The following PTPN4 variants were observed in gnomAD, a reference collection of about 807,000 sequenced individuals.
The protein encoded by PTPN4 is tyrosine-protein phosphatase non-receptor type 4.
In PTPN4, 49 loss-of-function variants were observed where a neutral mutation model predicts 135.5. The observed-to-expected ratio is 0.36, with a 90% CI of 0.29 to 0.46. PTPN4 has a LOEUF of 0.46. PTPN4 is among the 20% of genes least tolerant of loss of function. The probability of loss-of-function intolerance (pLI) is 1.00; values close to 1 mark genes in which losing one functional copy is unlikely to be tolerated. For missense variants in PTPN4, 860 were observed against 1,101.0 expected (o/e 0.78, Z 3.10); for synonymous variants, 333 against 369.9 (o/e 0.90, Z 1.14).
At chr2:119,961,799 A>T (rs1679369757) in intron 23 of PTPN4, among the ~76,000 whole-genome samples, 1 of 152,244 alleles carries the variant, frequency 6.6e-6, no homozygotes, top group Non-Finnish European at 1.5e-5. Context: ...CACATAGTGT[A>T]TGATTGCATT....
intron 10 of PTPN4, among the ~76,000 whole-genome samples, chr2:119,903,333 C>T (rs964170381): frequency 6.6e-6 from 1 of 152,020 alleles, no homozygotes; most frequent in Non-Finnish European, 1.5e-5. Context: ...TTTATATGCC[C>T]TGTCCACCGT....
intron 2 of PTPN4, among the ~76,000 whole-genome samples, chr2:119,846,664 T>C (rs1677503263): frequency 6.6e-6 from 1 of 152,050 alleles, no homozygotes; most frequent in Non-Finnish European, 1.5e-5. Context: ...TACTTTTTGC[T>C]TTTTTTGTTT....
intron 2 of PTPN4, among the ~76,000 whole-genome samples, chr2:119,843,749 G>C (rs1399276783): frequency 1.9e-5 from 1 of 51,882 alleles, no homozygotes; most frequent in South Asian, 8.3e-4. Context: ...GGGCGGGGGG[G>C]CTGACTCCCC....
chr2:119,883,297 G>T (rs1248563219), intron 8 of PTPN4, among the ~76,000 whole-genome samples: 3 of 151,920 alleles, frequency 2.0e-5, no homozygotes, highest in African/African-American at 7.3e-5. Context: ...TTTAGACTTG[G>T]TTTCTATACC....
intron 2 of PTPN4, among the ~76,000 whole-genome samples, chr2:119,815,455 A>G (rs1676970097): frequency 6.6e-6 from 1 of 152,226 alleles, no homozygotes; most frequent in Non-Finnish European, 1.5e-5. Flanking sequence ...TCCACAAAAT[A>G]GCAATTTACT....
chr2:119,972,758 T>C (rs1299022995), intron 26 of PTPN4, among the ~76,000 whole-genome samples: 5 of 152,156 alleles, frequency 3.3e-5, no homozygotes, highest in Non-Finnish European at 7.4e-5. Context: ...AGTGTTTTCA[T>C]CCTGAAAGTG....
intron 9 of PTPN4, among the ~76,000 whole-genome samples, chr2:119,899,044 A>C (rs1678366264): frequency 6.6e-6 from 1 of 152,128 alleles, no homozygotes; most frequent in African/African-American, 2.4e-5. Context: ...GTTTCTCTTT[A>C]CTGTAGCCTG....
At chr2:119,880,630 G>T (rs1243266648) in intron 5 of PTPN4, among the ~76,000 whole-genome samples, 11 of 151,516 alleles carry the variant, frequency 7.3e-5, no homozygotes. Flanking sequence ...TAGAGATGGG[G>T]TTTCACCGTG....
intron 1 of PTPN4, among the ~76,000 whole-genome samples, chr2:119,800,216 G>C (rs1691337449): frequency 6.6e-6 from 1 of 152,024 alleles, no homozygotes; most frequent in South Asian, 2.1e-4. Flanking sequence ...ATTTGTTTCA[G>C]GATTTTGTCA....
chr2:119,833,771 CCTT>C (rs1219683310), intron 2 of PTPN4, among the ~76,000 whole-genome samples: 1 of 152,142 alleles, frequency 6.6e-6, no homozygotes, highest in Non-Finnish European at 1.5e-5. Context: ...TGAGACTTTT[CCTT>C]CTTCATTCCA....
chr2:119,789,079 T>C (rs1463538223), intron 1 of PTPN4, among the ~76,000 whole-genome samples: 1 of 151,852 alleles, frequency 6.6e-6, no homozygotes, highest in Non-Finnish European at 1.5e-5. Flanking sequence ...ACACTTGTTA[T>C]TTTTCTTTTT....
At chr2:119,932,185 C>T (rs756582935) in intron 13 of PTPN4, 9 of 245,338 alleles carry the variant, frequency 3.7e-5, no homozygotes, top group Non-Finnish European at 5.4e-5. Flanking sequence ...TTTTCTCATC[C>T]TTCTTATTGT....
At chr2:119,886,472 G>A (rs1347847126) in intron 9 of PTPN4, among the ~76,000 whole-genome samples, 9 of 152,124 alleles carry the variant, frequency 5.9e-5, no homozygotes, top group East Asian at 3.8e-4. Flanking sequence ...AAGCATATTT[G>A]TGAGTGTTTA....
intron 1 of PTPN4, among the ~76,000 whole-genome samples, chr2:119,790,294 T>G (rs778767386): frequency 1.2e-3 from 181 of 152,294 alleles, no homozygotes; most frequent in Non-Finnish European, 2.4e-3. Context: ...TTATTGAGAA[T>G]GAAGTATTGA....
At chr2:119,927,113 C>CTTTT (rs35553909) in intron 13 of PTPN4, among the ~76,000 whole-genome samples, 11 of 122,862 alleles carry the variant, frequency 9.0e-5, no homozygotes, top group African/African-American at 1.2e-4. Context: ...AGCCAATTTG[C>CTTTT]TTTTTTTTTT....
chr2:119,840,863 C>T (rs1269960015), intron 2 of PTPN4, among the ~76,000 whole-genome samples: 2 of 151,888 alleles, frequency 1.3e-5, no homozygotes, highest in African/African-American at 2.4e-5. Flanking sequence ...TTTGGTTGGC[C>T]GCATGTATGT....
At chr2:119,838,903 T>C (rs926713502) in intron 2 of PTPN4, among the ~76,000 whole-genome samples, 3 of 152,250 alleles carry the variant, frequency 2.0e-5, no homozygotes, top group Non-Finnish European at 4.4e-5. Flanking sequence ...GATTTTGGTA[T>C]ATGTTAGAAT....
intron 2 of PTPN4, among the ~76,000 whole-genome samples, chr2:119,836,609 C>T (rs558647642): frequency 1.3e-5 from 2 of 152,332 alleles, no homozygotes; most frequent in East Asian, 1.9e-4. Flanking sequence ...ACCTGCCCTT[C>T]TGGGGGCAAC....
At chr2:119,949,982 G>C (rs1194712438) in intron 18 of PTPN4, among the ~76,000 whole-genome samples, 4 of 152,064 alleles carry the variant, frequency 2.6e-5, no homozygotes, top group Non-Finnish European at 5.9e-5. Flanking sequence ...AGACTTGTCA[G>C]ATCAGAATGA....
Sources: allele counts gnomAD v4.1 joint callset (sites outside exome capture counted in the v4.1 genomes callset), GRCh38; gene constraint gnomAD v4.1.1; transcripts MANE v1.5; gene names NCBI Gene and HGNC (gene_info 2026-07-23, HGNC 2026-07-21).